The following ZNF723 variants were observed in gnomAD, a reference collection of about 807,000 sequenced individuals.
ZNF723 encodes zinc finger protein 723, pseudogene.
Under a neutral mutation model 9.4 loss-of-function variants are expected in ZNF723, and 5 were observed. The observed-to-expected ratio is 0.53, with a 90% CI of 0.28 to 1.12. The LOEUF (loss-of-function observed/expected upper bound fraction) is 1.12. Ranked by LOEUF, ZNF723 falls within the 50% of genes most tolerant of loss-of-function variation. The pLI is 0.10. For synonymous variants in ZNF723, 158 were observed against 168.8 expected (o/e 0.94, Z 0.49); for missense variants, 450 against 501.5 (o/e 0.90, Z 0.98).
intron 1 of ZNF723, among the ~76,000 whole-genome samples, chr19:22,844,021 T>A (rs1245931601): frequency 6.6e-6 from 1 of 152,078 alleles, no homozygotes; most frequent in Non-Finnish European, 1.5e-5. Context: ...CTATTTGGGG[T>A]CTTGTTTAGA....
chr19:22,846,444 G>A (rs1022202789), intron 1 of ZNF723, among the ~76,000 whole-genome samples: 44 of 152,280 alleles, frequency 2.9e-4, no homozygotes, highest in East Asian at 1.2e-3. Flanking sequence ...CCAACATGGC[G>A]AAACCTCATC....
intron 1 of ZNF723, among the ~76,000 whole-genome samples, chr19:22,835,437 A>G (rs745450740): frequency 6.6e-6 from 1 of 152,196 alleles, no homozygotes; most frequent in Non-Finnish European, 1.5e-5. Context: ...TTGAAAGGTT[A>G]AAAAGAAAAT....
At chr19:22,856,083 C>T (rs186621671) in intron 3 of ZNF723, among the ~76,000 whole-genome samples, 2 of 152,212 alleles carry the variant, frequency 1.3e-5, no homozygotes, top group East Asian at 3.9e-4. Flanking sequence ...CCTCAGCCTC[C>T]TGAGTAGCTG....
At position 22,841,494 on chromosome 19, in the gene ZNF723, C is replaced by T. The variant is rs371501114; in HGVS notation, c.4-6767C>T. Among the ~76,000 whole-genome samples, 82 of 152,262 alleles carry T rather than the reference C, an allele frequency of 5.4e-4. 4 individuals carry two copies. The South Asian group carries it at 0.017, about 31-fold the overall frequency. On this transcript the variant is annotated intron_variant, in intron 1 of 3. Transcript: ENST00000600766. ...CTATCATTTTGGAGTTTTTCTGGGG[C>T]TGGAGAAAATTTTTCTTTTAATTAT...
the ZNF723 span, among the ~76,000 whole-genome samples, chr19:22,819,985 G>A: frequency 6.6e-6 from 1 of 151,924 alleles, no homozygotes; most frequent in African/African-American, 2.4e-5. Flanking sequence ...TTTATTACCT[G>A]TGTTATGTGA....
In ZNF723 at chr19:22,858,219, A is replaced by G. The variant is rs903070815; in HGVS notation, c.1328A>G (p.His443Arg). 13 of 1,370,010 alleles carry G rather than the reference A, an allele frequency of 9.5e-6. No individual in the cohort carries two copies. The highest frequency in any genetic ancestry group is 1.4e-5 in the Non-Finnish European group (13 of 960,606). The allele number at this position is 1,370,010 out of a possible 1,614,324, so 84.9% of individuals were successfully genotyped here. ...GFSQSSTLTK[H>R]KIIHTKEKPY... Reference sequence around the variant, plus strand: ...AGCCAATCCTCAACCCTTACTAAACATAAGATAATTCATACTAAAGAGAAA... The same window carrying G: ...AGCCAATCCTCAACCCTTACTAAACGTAAGATAATTCATACTAAAGAGAAA... Residue 443 changes from histidine to arginine, a missense_variant, in exon 4 of 4, where the codon CAT (histidine) becomes CGT (arginine). Transcript: ENST00000600766.
chr19:22,816,011 G>T, the ZNF723 span, among the ~76,000 whole-genome samples: 1 of 152,150 alleles, frequency 6.6e-6, no homozygotes, highest in African/African-American at 2.4e-5. Context: ...TTCTAATTCT[G>T]GCAGGTTAAA....
At position 22,833,835 on chromosome 19, in the gene ZNF723, A is replaced by G. The variant is rs561405913; in HGVS notation, c.3+1453A>G. Among the ~76,000 whole-genome samples, 3 of 145,990 alleles carry G rather than the reference A, an allele frequency of 2.1e-5. No individual in the cohort carries two copies. In the South Asian group the frequency reaches 6.6e-4, roughly 32 times the overall value. ...TGGGCAGGCTGGTCTTGAACTCCTG[A>G]CCTCAGGTGATCCACCCGCCTCGAC... On this transcript the variant is annotated intron_variant, in intron 1 of 3. Transcript: ENST00000600766.
At chr19:22,856,359 G>A (rs111753773) in intron 3 of ZNF723, among the ~76,000 whole-genome samples, 22 of 151,848 alleles carry the variant, frequency 1.4e-4, no homozygotes, top group Non-Finnish European at 2.6e-4. Context: ...CTGTTTTTCT[G>A]TAGTTGTCTG....
rs12979641 is a variant in ZNF723, at chr19:22,857,612, T to A, written c.721T>A (p.Ser241Thr). The A allele has an allele frequency of 1.2e-5, 16 of 1,302,088 alleles. No individual in the cohort carries two copies. The African/African-American group carries it at 2.3e-4, about 19-fold the overall frequency. The allele number at this position is 1,302,088 out of a possible 1,614,324, so 80.7% of individuals were successfully genotyped here. The change falls in exon 4 of 4, where the codon TCC becomes ACC. Residue 241 changes from serine to threonine, a missense_variant. Transcript: ENST00000600766. ...AGAATGTGGCAAAGCCTTTAATGTGTCCTCAAGCCTTAATAATCATAAGAG... is the reference window on the plus strand; with the variant it reads ...AGAATGTGGCAAAGCCTTTAATGTGACCTCAAGCCTTAATAATCATAAGAG... ...CEECGKAFNV[S>T]SSLNNHKRIH...
the ZNF723 span, among the ~76,000 whole-genome samples, chr19:22,815,695 G>A: frequency 6.6e-6 from 1 of 152,262 alleles, no homozygotes; most frequent in East Asian, 1.9e-4. Flanking sequence ...CACTACCTCC[G>A]ATAGCTAGAC....
chr19:22,858,288 C>T lies in ZNF723; in HGVS notation c.1397C>T (p.Ser466Leu). The T allele has an allele frequency of 8.1e-7, 1 of 1,237,810 alleles. No individual in the cohort carries two copies. The highest frequency in any genetic ancestry group is 1.2e-6 in the Non-Finnish European group (1 of 841,880). 76.7% of individuals were successfully genotyped at this position (1,237,810 alleles called of 1,614,324 possible). Residue 466 changes from serine (S) to leucine (L), a missense_variant, in exon 4 of 4, where the codon TCA (serine) becomes TTA (leucine). Around this residue, in one of 5 missense-constraint regions of ZNF723, gnomAD observed 237 missense variants for 332.2 expected, o/e 0.71. Transcript: ENST00000600766. ...EECGKAFNQY[S>L]TLNKHKIIHA... ...TGTGGCAAAGCTTTTAACCAATATTCAACCCTTAATAAACATAAGATAATT... is the reference window on the plus strand; with the variant it reads ...TGTGGCAAAGCTTTTAACCAATATTTAACCCTTAATAAACATAAGATAATT...
chr19:22,824,263 C>T, the ZNF723 span, among the ~76,000 whole-genome samples: 3 of 152,062 alleles, frequency 2.0e-5, no homozygotes, highest in Admixed American at 2.0e-4. Context: ...TGACTGTCCT[C>T]TTCTGCTTGG....
intron 1 of ZNF723, among the ~76,000 whole-genome samples, chr19:22,840,245 C>T (rs1967224125): frequency 6.6e-6 from 1 of 151,872 alleles, no homozygotes; most frequent in Non-Finnish European, 1.5e-5. Flanking sequence ...GATCTGGGCT[C>T]ACTGCAATCT....
the ZNF723 span, among the ~76,000 whole-genome samples, chr19:22,813,646 CAGG>C: frequency 6.6e-6 from 1 of 151,578 alleles, no homozygotes; most frequent in African/African-American, 2.4e-5. Flanking sequence ...GAGGCTGAGG[CAGG>C]AGAATTGCTT....
At chr19:22,849,098 T>C in intron 2 of ZNF723, 100 bp from the exon 3 acceptor site, 1 of 417,262 alleles carries the variant, frequency 2.4e-6, no homozygotes, top group East Asian at 3.5e-5. Flanking sequence ...ATTACTGTTT[T>C]GGGATGAATA....
chr19:22,847,684 G>T (rs1049078766), intron 1 of ZNF723, among the ~76,000 whole-genome samples: 6 of 152,164 alleles, frequency 3.9e-5, no homozygotes, highest in Non-Finnish European at 8.8e-5. Flanking sequence ...ACATGCTTGT[G>T]TTAATGCCTT....
chr19:22,830,610 T>C (rs114320753), upstream of ZNF723, among the ~76,000 whole-genome samples: 1,759 of 152,264 alleles, frequency 0.012, 28 homozygotes, highest in African/African-American at 0.04. Flanking sequence ...TGGGGCAGCA[T>C]TGATCAACAA....
intron 1 of ZNF723, among the ~76,000 whole-genome samples, chr19:22,837,171 T>TA (rs1409581530): frequency 1.3e-5 from 2 of 151,316 alleles, no homozygotes; most frequent in Non-Finnish European, 2.9e-5. Flanking sequence ...TGTGTGGCTG[T>TA]AATCCCAGCT....
Sources: gnomAD v4.1 joint callset for allele counts (sites outside exome capture counted in the v4.1 genomes callset) on GRCh38, gnomAD v4.1.1 for gene constraint, gnomAD v4.1.1 regional missense constraint, MANE v1.5 for transcripts, NCBI Gene and HGNC (gene_info 2026-07-23, HGNC 2026-07-21) for gene names.